The following KAT6A variants were observed in gnomAD, a reference collection of about 807,000 sequenced individuals.
KAT6A encodes the protein histone acetyltransferase KAT6A.
In KAT6A, 9 loss-of-function variants were observed where a neutral mutation model predicts 198.4. The observed-to-expected ratio is 0.05, with a 90% confidence interval of 0.03 to 0.08. The LOEUF (loss-of-function observed/expected upper bound fraction) is 0.08. Ranked by LOEUF, KAT6A falls within the 10% of genes least tolerant of loss-of-function variation. The pLI is 1.00. For missense variants in KAT6A, 2,077 were observed against 2,509.9 expected, an observed-to-expected ratio of 0.83 and a Z score of 3.69; for synonymous variants, 890 against 883.0, an observed-to-expected ratio of 1.01 and a Z score of -0.14.
rs147446151 is a variant in KAT6A at position 41,934,075 on chromosome 8, G to A, written c.4145C>T (p.Thr1382Met). Residue 1382 changes from threonine to methionine, a missense_variant, in exon 17 of 17, where the codon ACG becomes ATG. This residue lies in a region of KAT6A where 178 missense variants were observed against 220.8 expected (regional missense o/e 0.81). Coordinates refer to ENST00000265713, the MANE Select transcript of KAT6A (RefSeq NM_006766.5). ...DSEEEQPSHD[T>M]SVVSEQMAGS... ...AGCCATCTGCTCTGACACCACGGAC[G>A]TGTCATGGGAAGGCTGCTCCTCTTC... 142 of 1,613,954 alleles carry A rather than the reference G, an allele frequency of 8.8e-5. No individual in the cohort carries two copies. The highest frequency in any genetic ancestry group is 1.1e-4 in the Non-Finnish European group (129 of 1,180,012).
intron 7 of KAT6A, among the ~76,000 whole-genome samples, chr8:41,975,943 A>C (rs1272411479): frequency 6.6e-6 from 1 of 152,226 alleles, no homozygotes; most frequent in Admixed American, 6.5e-5. Context: ...AACGGATTGC[A>C]TATTTTCTTA....
At chr8:41,979,296 T>C (rs1824227267) in intron 5 of KAT6A, among the ~76,000 whole-genome samples, 1 of 151,890 alleles carries the variant, frequency 6.6e-6, no homozygotes, top group African/African-American at 2.4e-5. Context: ...CTAAAGCTGC[T>C]ATATAATCTC....
intron 2 of KAT6A, among the ~76,000 whole-genome samples, chr8:42,027,304 G>A (rs922647047): frequency 3.3e-5 from 5 of 152,184 alleles, no homozygotes; most frequent in Non-Finnish European, 5.9e-5. Flanking sequence ...CTTGTAGAGT[G>A]AGTTAGGAAG....
chr8:42,021,176 AG>A (rs1449098592), intron 2 of KAT6A, among the ~76,000 whole-genome samples: 1 of 152,218 alleles, frequency 6.6e-6, no homozygotes, highest in African/African-American at 2.4e-5. Flanking sequence ...TAATTTAAAT[AG>A]ATTATAAAAC....
intron 8 of KAT6A, among the ~76,000 whole-genome samples, chr8:41,972,988 C>G (rs1005491753): frequency 1.3e-5 from 2 of 152,166 alleles, no homozygotes; most frequent in Non-Finnish European, 2.9e-5. Context: ...GCAACCTGCC[C>G]AAAGGAGAAG....
At position 41,933,238 on chromosome 8, in the gene KAT6A, G is replaced by T; in HGVS notation, c.4982C>A (p.Pro1661Gln). The T allele has an allele frequency of 6.4e-7, 1 of 1,551,230 alleles. No homozygotes were observed. ...PPPPPPQQPQPPPPQPQPAPQ... is the reference protein window; with the variant it reads ...PPPPPPQQPQQPPPQPQPAPQ... ...TGCTGGTTGTGGTTGTGGCGGCGGC[G>T]GCTGTGGCTGCTGTGGAGGCGGTGG... Residue 1661 changes from proline to glutamine, a missense_variant, in exon 17 of 17, where the codon CCG becomes CAG. By Grantham distance (76) the Pro-to-Gln change is moderately conservative (BLOSUM62 -1). Around this residue, in one of 13 missense-constraint regions of KAT6A, gnomAD observed 500 missense variants for 577.2 expected, o/e 0.87. Coordinates refer to ENST00000265713, the MANE Select transcript of KAT6A (RefSeq NM_006766.5). The surrounding 1 kb of genome is among the most constrained non-coding windows in gnomAD (Gnocchi z 6.2).
At position 41,990,052 on chromosome 8, in the gene KAT6A, A is replaced by G. The variant is rs191122792; in HGVS notation, c.601-2489T>C. 7.4e-3 allele frequency among the ~76,000 whole-genome samples: 1,072 copies of G among 145,530 alleles called. 17 individuals are homozygous for G. The highest frequency in any genetic ancestry group is 0.023 in the African/African-American group (914 of 40,466). On this transcript the variant is annotated intron_variant, in intron 2 of 16. Coordinates refer to ENST00000265713, the MANE Select transcript of KAT6A (RefSeq NM_006766.5). Reference sequence around the variant, plus strand: ...TTTATCCAGCAGTAAAAATCTGGGGAAAAAAAAAAACCCAACAACTCTAAA... The same window carrying G: ...TTTATCCAGCAGTAAAAATCTGGGGGAAAAAAAAAACCCAACAACTCTAAA...
chr8:41,981,143 C>T (rs925322499), intron 4 of KAT6A, among the ~76,000 whole-genome samples: 3 of 152,072 alleles, frequency 2.0e-5, no homozygotes, highest in Admixed American at 2.0e-4. Flanking sequence ...CATGGTGAAA[C>T]CCTGTCCCTA....
intron 2 of KAT6A, among the ~76,000 whole-genome samples, chr8:42,016,600 T>A (rs186177097): frequency 5.3e-5 from 8 of 152,114 alleles, no homozygotes; most frequent in African/African-American, 1.7e-4. Context: ...GTAATATCCA[T>A]AAAATAAGGG....
chr8:41,988,643 G>A (rs1051285654), intron 2 of KAT6A, among the ~76,000 whole-genome samples: 2 of 152,076 alleles, frequency 1.3e-5, no homozygotes, highest in African/African-American at 4.8e-5. Context: ...TGAAATAGAA[G>A]AAATAGCAAT....
intron 2 of KAT6A, among the ~76,000 whole-genome samples, chr8:42,031,659 T>C (rs1191442237): frequency 7.9e-6 from 1 of 125,820 alleles, no homozygotes; most frequent in Non-Finnish European, 1.6e-5. Flanking sequence ...AGACGGAGTC[T>C]AGCTCTGTCG....
At chr8:41,966,214 C>G (rs1488481284) in intron 8 of KAT6A, among the ~76,000 whole-genome samples, 5 of 152,146 alleles carry the variant, frequency 3.3e-5, no homozygotes, top group Admixed American at 6.6e-5. Flanking sequence ...TTGGAATACA[C>G]AGATAATACG....
chr8:42,027,694 C>T (rs926050805), intron 2 of KAT6A, among the ~76,000 whole-genome samples: 3 of 151,962 alleles, frequency 2.0e-5, no homozygotes, highest in Non-Finnish European at 4.4e-5. Flanking sequence ...CTTGGTTTGC[C>T]TCGCTAGCAG....
intron 2 of KAT6A, among the ~76,000 whole-genome samples, chr8:41,998,723 G>A (rs1299173273): frequency 6.6e-6 from 1 of 151,884 alleles, no homozygotes; most frequent in African/African-American, 2.4e-5. Flanking sequence ...CTATATCTGG[G>A]TGGACTTTAA....
At chr8:41,954,390 G>A (rs1231868577) in intron 9 of KAT6A, among the ~76,000 whole-genome samples, 2 of 152,134 alleles carry the variant, frequency 1.3e-5, no homozygotes, top group Non-Finnish European at 2.9e-5. Context: ...CTTACATGAT[G>A]AGAATATTCT....
intron 2 of KAT6A, among the ~76,000 whole-genome samples, chr8:42,004,645 G>A (rs952926115): frequency 3.9e-5 from 6 of 152,122 alleles, no homozygotes; most frequent in African/African-American, 1.4e-4. Context: ...CACTACTTCG[G>A]CCGGGTGCGG....
intron 2 of KAT6A, among the ~76,000 whole-genome samples, chr8:41,994,913 A>G (rs1825121234): frequency 6.6e-6 from 1 of 151,986 alleles, no homozygotes; most frequent in Non-Finnish European, 1.5e-5. Flanking sequence ...AAAATTAGCC[A>G]GGCATGGTGG....
chr8:41,946,547 A>C (rs761260989), intron 12 of KAT6A, 44 bp downstream of exon 12: 1 of 881,920 alleles, frequency 1.1e-6, no homozygotes. Context: ...CACACAGAGA[A>C]GGTCCACTGG....
chr8:42,029,700 C>T (rs923890281), intron 2 of KAT6A, among the ~76,000 whole-genome samples: 3 of 151,738 alleles, frequency 2.0e-5, no homozygotes, highest in Non-Finnish European at 4.4e-5. Flanking sequence ...TCAAGCGATC[C>T]TCCCGCCTTG....
Sources: allele counts gnomAD v4.1 joint callset (sites outside exome capture counted in the v4.1 genomes callset), GRCh38; gene constraint gnomAD v4.1.1; regional missense constraint gnomAD v4.1.1; non-coding constraint Gnocchi (gnomAD v3.1); transcripts MANE v1.5; gene names NCBI Gene and HGNC (gene_info 2026-07-23, HGNC 2026-07-21).